KCNQ1OT1: variants seen among roughly 807,000 people sequenced by gnomAD.
The protein encoded by KCNQ1OT1 is KCNQ1 opposite strand/antisense transcript 1.
Position 2,630,372 on chromosome 11 carries a change from C to G in KCNQ1OT1, n.69623G>C, listed in dbSNP as rs55759353. 1,459 of 397,898 alleles carry G rather than the reference C, an allele frequency of 3.7e-3. 22 individuals carry two copies. The highest frequency in any genetic ancestry group is 0.028 in the African/African-American group (1,342 of 48,576). The allele number at this position is 397,898 out of a possible 1,614,324, so 24.6% of individuals were successfully genotyped here. A position where few individuals can be genotyped will look rare whatever the true frequency, so the allele number is the denominator to read the frequency against. ...TAAAAAAATATCAGCCAGTTATTTT[C>G]TTTTCTTATATTGTCCTTGTCTGGC... On this transcript the variant is annotated non_coding_transcript_exon_variant, in exon 1 of 1. Coordinates refer to ENST00000597346, the Ensembl canonical transcript of KCNQ1OT1.
At chr11:2,619,747 A>AT (rs1187793618) in exon 1 of KCNQ1OT1, 6 of 395,112 alleles carry the variant, frequency 1.5e-5, no homozygotes, top group African/African-American at 6.3e-5. Context: ...CTATAGCTGC[A>AT]TTTTTTTGGA....
exon 1 of KCNQ1OT1, chr11:2,619,040 C>G: frequency 2.5e-6 from 1 of 398,468 alleles, no homozygotes; most frequent in Non-Finnish European, 4.4e-6. Flanking sequence ...TACAACTTTA[C>G]TGAACTCATT....
exon 1 of KCNQ1OT1, chr11:2,672,542 C>T: frequency 2.5e-6 from 1 of 398,674 alleles, no homozygotes; most frequent in Non-Finnish European, 4.4e-6. Flanking sequence ...GCCTGTCTTC[C>T]ACATTGGAAG....
At chr11:2,689,608 C>T (rs773284398) in exon 1 of KCNQ1OT1, 8 of 398,538 alleles carry the variant, frequency 2.0e-5, no homozygotes, top group Admixed American at 8.8e-5. Context: ...CTCAAGGATC[C>T]GGGTATTTTA....
In KCNQ1OT1 at chr11:2,642,985, A is replaced by G. The variant is rs1295588461; in HGVS notation, n.57010T>C. ...ACAGTTTTGAATGCTCCTCTTATTT[A>G]TTTATAGTTTTATGCTATTGTGGTC... On this transcript the variant is annotated non_coding_transcript_exon_variant, in exon 1 of 1. Transcript: ENST00000597346. The surrounding 1 kb of genome is among the most constrained non-coding windows in gnomAD (Gnocchi z 4.3). 2.5e-6 allele frequency: 1 copy of G among 397,794 alleles called. No individual in the cohort carries two copies. 24.6% of individuals were successfully genotyped at this position (397,794 alleles called of 1,614,324 possible).
At chr11:2,637,434 G>C (rs1274956473) in exon 1 of KCNQ1OT1, 1 of 152,058 alleles carries the variant, frequency 6.6e-6, no homozygotes, top group African/African-American at 2.4e-5. Context: ...CCTTCATTTC[G>C]TTATGTACCC....
chr11:2,630,114 G>GT (rs2133815073), exon 1 of KCNQ1OT1: 2 of 398,264 alleles, frequency 5.0e-6, no homozygotes, highest in Non-Finnish European at 4.4e-6. Flanking sequence ...TTTGTTCATA[G>GT]TTTTTATCAT....
Position 2,651,359 on chromosome 11 carries a change from A to G in KCNQ1OT1, n.48636T>C, listed in dbSNP as rs1849754248. Reference sequence around the variant, plus strand: ...AGCGGCTGAGAGAGCTGGGGTATTTATCTTTCACTAGTGAGTGCTGCCCCG... The same window carrying G: ...AGCGGCTGAGAGAGCTGGGGTATTTGTCTTTCACTAGTGAGTGCTGCCCCG... On this transcript the variant is annotated non_coding_transcript_exon_variant, in exon 1 of 1. Coordinates refer to ENST00000597346, the Ensembl canonical transcript of KCNQ1OT1. The surrounding 1 kb of genome is among the most constrained non-coding windows in gnomAD (Gnocchi z 6.1). The G allele has an allele frequency of 5.0e-6, 2 of 398,592 alleles. No homozygotes were observed. The highest frequency in any genetic ancestry group is 1.3e-4 in the South Asian group (1 of 7,854). The allele number at this position is 398,592 out of a possible 1,614,324, so 24.7% of individuals were successfully genotyped here. A position where few individuals can be genotyped will look rare whatever the true frequency, so the allele number is the denominator to read the frequency against.
chr11:2,634,174 C>CT (rs201811937), exon 1 of KCNQ1OT1: 20,815 of 393,484 alleles, frequency 0.053, 684 homozygotes, highest in Middle Eastern at 0.13. Flanking sequence ...CTCTCTCTCC[C>CT]TTTTTTTTAT....
chr11:2,640,156 A>T (rs907412687), exon 1 of KCNQ1OT1: 7 of 366,744 alleles, frequency 1.9e-5, no homozygotes, highest in Non-Finnish European at 3.4e-5. Context: ...TGTGCTTCCC[A>T]GGTGAGGCGA....
exon 1 of KCNQ1OT1, chr11:2,632,014 C>G: frequency 2.5e-6 from 1 of 396,040 alleles, no homozygotes; most frequent in Non-Finnish European, 4.4e-6. Context: ...AACCCCATCT[C>G]TACTAAAAAT....
chr11:2,623,314 G>A lies in KCNQ1OT1; in HGVS notation n.76681C>T, dbSNP rs78695585. On this transcript the variant is annotated non_coding_transcript_exon_variant, in exon 1 of 1. Coordinates refer to ENST00000597346, the Ensembl canonical transcript of KCNQ1OT1. The surrounding 1 kb of genome is among the most constrained non-coding windows in gnomAD (Gnocchi z 5.2). The stretch of plus-strand genomic sequence containing the variant: ...CAGGTAGTTCTTTATAGCACTGTGA[G>A]AACGGACTAATATGCATGTATCTAC... 5,142 of 398,644 alleles carry A rather than the reference G, an allele frequency of 0.013. 158 individuals carry two copies. Among genetic ancestry groups the A allele is most frequent in the East Asian group, 0.081 (2,282 of 28,060 alleles). The allele number at this position is 398,644 out of a possible 1,614,324, so 24.7% of individuals were successfully genotyped here.
At chr11:2,694,877 G>A in exon 1 of KCNQ1OT1, 1 of 398,668 alleles carries the variant, frequency 2.5e-6, no homozygotes, top group Non-Finnish European at 4.4e-6. Flanking sequence ...TAAATAAGAA[G>A]AAGGAATTGT....
Position 2,612,341 on chromosome 11 carries a change from A to G in KCNQ1OT1, n.87654T>C. ...TAAAGCCTCCCCCAACTGGCTGTGG[A>G]AAAATTGTCTTCCACAAAACTGGTC... On this transcript the variant is annotated non_coding_transcript_exon_variant, in exon 1 of 1. Coordinates refer to ENST00000597346, the Ensembl canonical transcript of KCNQ1OT1. The surrounding 1 kb of genome is among the most constrained non-coding windows in gnomAD (Gnocchi z 5.5). The G allele has an allele frequency of 2.5e-6, 1 of 398,680 alleles. No homozygotes were observed. The allele number at this position is 398,680 out of a possible 1,614,324, so 24.7% of individuals were successfully genotyped here. A position where few individuals can be genotyped will look rare whatever the true frequency, so the allele number is the denominator to read the frequency against.
At chr11:2,631,519 C>T in exon 1 of KCNQ1OT1, 1 of 398,456 alleles carries the variant, frequency 2.5e-6, no homozygotes, top group Non-Finnish European at 4.4e-6. Flanking sequence ...TGGTAGCACA[C>T]TGAACTTCCT....
At chr11:2,619,462 CACATTGATT>C (rs1849127395) in exon 1 of KCNQ1OT1, 7 of 398,430 alleles carry the variant, frequency 1.8e-5, no homozygotes, top group Non-Finnish European at 3.1e-5. Context: ...CTGTTAGTAT[CACATTGATT>C]GCTACATGTA....
chr11:2,620,213 T>TA lies in KCNQ1OT1; in HGVS notation n.79781_79782insT, dbSNP rs1305943444. 2.7e-3 allele frequency: 664 copies of TA among 245,074 alleles called. No homozygotes were observed. Among genetic ancestry groups the TA allele is most frequent in the East Asian group, 7.2e-3 (101 of 13,940 alleles). The allele number at this position is 245,074 out of a possible 1,614,324, so 15.2% of individuals were successfully genotyped here. ...AGTTCATTCATGTATATATATATAT[T>TA]TTTTTTTTTTATTTTTTTTTTAGAC... On this transcript the variant is annotated non_coding_transcript_exon_variant, in exon 1 of 1. Transcript: ENST00000597346. This position sits in a 1 kb window ranked among gnomAD's most constrained non-coding sequence, Gnocchi z 4.5.
At chr11:2,633,741 A>G (rs958728093) in exon 1 of KCNQ1OT1, 3 of 398,354 alleles carry the variant, frequency 7.5e-6, no homozygotes, top group African/African-American at 6.2e-5. Flanking sequence ...TTTTATGCCC[A>G]TTGCATGCTA....
exon 1 of KCNQ1OT1, chr11:2,697,963 C>T (rs948226748): frequency 2.5e-6 from 1 of 398,636 alleles, no homozygotes; most frequent in Non-Finnish European, 4.4e-6. Flanking sequence ...CACCCATAAT[C>T]AAGCAACTCA....
Sources: gnomAD v4.1 joint callset for allele counts on GRCh38, gnomAD v4.1.1 for gene constraint, Gnocchi (gnomAD v3.1) non-coding constraint, MANE v1.5 for transcripts, NCBI Gene and HGNC (gene_info 2026-07-23, HGNC 2026-07-21) for gene names.